Variants in SEMA6D observed in about 807,000 individuals in gnomAD.
SEMA6D encodes the protein semaphorin 6D, also known as semaphorin-6D.
SEMA6D carries 35 observed loss-of-function variants against 106.6 expected under a neutral mutation model. The observed-to-expected ratio is 0.33, with a 90% CI of 0.25 to 0.44. The LOEUF (loss-of-function observed/expected upper bound fraction) is 0.44, where lower values mean the gene tolerates loss of function less well. SEMA6D is among the 20% of genes least tolerant of loss of function. The pLI, the probability that SEMA6D is intolerant of heterozygous loss-of-function variation, is 1.00. For missense variants in SEMA6D, 1,185 were observed against 1,345.9 expected (o/e 0.88, Z 1.87); for synonymous variants, 499 against 487.7 (o/e 1.02, Z -0.31).
chr15:47,291,002 C>G (rs542420413), intron 1 of SEMA6D, among the ~76,000 whole-genome samples: 2 of 152,274 alleles, frequency 1.3e-5, no homozygotes, highest in African/African-American at 4.8e-5. Context: ...TCTGTTCTGG[C>G]AAATACAGTC....
chr15:47,257,279 C>T (rs961794220), intron 1 of SEMA6D, among the ~76,000 whole-genome samples: 1 of 152,054 alleles, frequency 6.6e-6, no homozygotes, highest in Non-Finnish European at 1.5e-5. Flanking sequence ...GTATGGTCTC[C>T]ATCTCCTGAC....
At chr15:47,558,578 T>C (rs1007263147) in intron 3 of SEMA6D, among the ~76,000 whole-genome samples, 2 of 151,978 alleles carry the variant, frequency 1.3e-5, no homozygotes, top group Non-Finnish European at 2.9e-5. Flanking sequence ...TAAAACATCT[T>C]TTTATGATGC....
intron 1 of SEMA6D, among the ~76,000 whole-genome samples, chr15:47,221,156 T>C (rs2031165181): frequency 6.6e-6 from 1 of 152,146 alleles, no homozygotes; most frequent in South Asian, 2.1e-4. Flanking sequence ...GTTTGGCCAA[T>C]AGAAGATAAC....
intron 1 of SEMA6D, among the ~76,000 whole-genome samples, chr15:47,200,767 A>T (rs901553485): frequency 2.6e-5 from 4 of 152,234 alleles, no homozygotes; most frequent in Admixed American, 6.5e-5. Context: ...CATCATATGA[A>T]TACATTTTAC....
chr15:47,345,984 A>G (rs2038030833), intron 1 of SEMA6D, among the ~76,000 whole-genome samples: 1 of 152,290 alleles, frequency 6.6e-6, no homozygotes, highest in Admixed American at 6.5e-5. Context: ...TGTCAATTAT[A>G]CCTAAAACAG....
At chr15:47,729,487 T>C (rs2079978148) in intron 1 of SEMA6D, among the ~76,000 whole-genome samples, 1 of 152,176 alleles carries the variant, frequency 6.6e-6, no homozygotes, top group South Asian at 2.1e-4. Flanking sequence ...GAACTACTAG[T>C]TCAGCAAAGG....
intron 3 of SEMA6D, among the ~76,000 whole-genome samples, chr15:47,477,828 T>G (rs1195302873): frequency 1.3e-5 from 2 of 152,186 alleles, no homozygotes; most frequent in African/African-American, 4.8e-5. Context: ...TATTGTGATG[T>G]AATCTAGAAA....
intron 2 of SEMA6D, among the ~76,000 whole-genome samples, chr15:47,423,177 T>G (rs1487177062): frequency 6.6e-6 from 1 of 152,122 alleles, no homozygotes; most frequent in African/African-American, 2.4e-5. Context: ...AGGGAACATT[T>G]AACTCTGGCT....
intron 4 of SEMA6D, among the ~76,000 whole-genome samples, chr15:47,693,218 G>A (rs2078626837): frequency 6.6e-6 from 1 of 152,098 alleles, no homozygotes; most frequent in African/African-American, 2.4e-5. Context: ...AAGGCAATGT[G>A]AAGAGACATA....
intron 1 of SEMA6D, among the ~76,000 whole-genome samples, chr15:47,346,205 C>T (rs530776199): frequency 1.8e-4 from 28 of 152,158 alleles, no homozygotes; most frequent in African/African-American, 6.5e-4. Flanking sequence ...TCATGGGTTA[C>T]GTTAATGTCT....
At chr15:47,532,739 T>C (rs2045014956) in intron 3 of SEMA6D, among the ~76,000 whole-genome samples, 1 of 152,200 alleles carries the variant, frequency 6.6e-6, no homozygotes, top group Non-Finnish European at 1.5e-5. Context: ...AAGGCTGCTA[T>C]TGATGGCAGA....
intron 1 of SEMA6D, among the ~76,000 whole-genome samples, chr15:47,260,394 C>T (rs558889857): frequency 4.6e-5 from 7 of 152,178 alleles, no homozygotes; most frequent in Non-Finnish European, 1.0e-4. Flanking sequence ...GTTTTGGTTC[C>T]AGTCATACCT....
At position 47,643,695 on chromosome 15, in the gene SEMA6D, G is replaced by A. The variant is rs1015843198; in HGVS notation, c.-55+42799G>A. 5.3e-5 allele frequency among the ~76,000 whole-genome samples: 8 copies of A among 152,242 alleles called. No individual in the cohort carries two copies. The East Asian group carries it at 1.5e-3, about 29-fold the overall frequency. On this transcript the variant is annotated intron_variant, in intron 4 of 19. Coordinates refer to the SEMA6D transcript ENST00000558014. ...ATATTTTGATACAAGTATACAATTTGTAATGATCAAATCAGCATAATTAGT... is the reference window on the plus strand; with the variant it reads ...ATATTTTGATACAAGTATACAATTTATAATGATCAAATCAGCATAATTAGT...
chr15:47,707,613 G>T (rs936410784), intron 4 of SEMA6D, among the ~76,000 whole-genome samples: 1 of 152,172 alleles, frequency 6.6e-6, no homozygotes, highest in Non-Finnish European at 1.5e-5. Flanking sequence ...TCTTGTGCAC[G>T]TTCTCTTGAG....
chr15:47,671,513 G>A (rs1163117762), intron 4 of SEMA6D, among the ~76,000 whole-genome samples: 1 of 152,154 alleles, frequency 6.6e-6, no homozygotes, highest in African/African-American at 2.4e-5. Context: ...TGACCACTGG[G>A]AATAAATCAG....
At chr15:47,476,805 A>G (rs1033267230) in intron 3 of SEMA6D, among the ~76,000 whole-genome samples, 1 of 152,164 alleles carries the variant, frequency 6.6e-6, no homozygotes, top group Non-Finnish European at 1.5e-5. Context: ...GACTCTGGTC[A>G]GTTCATTTTC....
chr15:47,659,202 A>G (rs1213472233), intron 4 of SEMA6D, among the ~76,000 whole-genome samples: 1 of 152,030 alleles, frequency 6.6e-6, no homozygotes, highest in Non-Finnish European at 1.5e-5. Flanking sequence ...CTCAGTTAGT[A>G]TAAAAATGTA....
Position 47,266,631 on chromosome 15 carries a change from C to G in SEMA6D, c.-239+82213C>G, listed in dbSNP as rs926562293. The stretch of plus-strand genomic sequence containing the variant: ...ATAGAGGCTGGGCAGAAGAAGGGAA[C>G]CCCTATTTCTCATCCACATTTGCCC... On this transcript the variant is annotated intron_variant, in intron 1 of 19. Coordinates refer to the SEMA6D transcript ENST00000558014. 5.3e-5 allele frequency among the ~76,000 whole-genome samples: 8 copies of G among 152,068 alleles called. No homozygotes were observed. The South Asian group carries it at 1.7e-3, about 32-fold the overall frequency.
chr15:47,594,468 T>C (rs985780551), intron 3 of SEMA6D, among the ~76,000 whole-genome samples: 2 of 152,250 alleles, frequency 1.3e-5, no homozygotes, highest in African/African-American at 4.8e-5. Context: ...AGGTAGTTCA[T>C]GACAATCATT....
Sources: gnomAD v4.1 joint callset for allele counts (sites outside exome capture counted in the v4.1 genomes callset) on GRCh38, gnomAD v4.1.1 for gene constraint, MANE v1.5 for transcripts, NCBI Gene and HGNC (gene_info 2026-07-23, HGNC 2026-07-21) for gene names.